The following POU6F2 variants were observed in gnomAD, a reference collection of about 807,000 sequenced individuals.
The protein encoded by POU6F2 is POU domain, class 6, transcription factor 2.
Under a neutral mutation model 71.3 loss-of-function variants are expected in POU6F2, and 31 were observed. That is an observed-to-expected ratio of 0.43 (90% CI 0.33 to 0.59). POU6F2 has a LOEUF of 0.59. POU6F2 is among the 20% of genes least tolerant of loss of function. The pLI is 0.04. For missense variants in POU6F2, 783 were observed against 856.8 expected (o/e 0.91, Z 1.07); for synonymous variants, 347 against 355.7 (o/e 0.98, Z 0.27).
intron 5 of POU6F2, among the ~76,000 whole-genome samples, chr7:39,345,830 T>A (rs1326379679): frequency 2.6e-5 from 4 of 152,214 alleles, no homozygotes; most frequent in Non-Finnish European, 5.9e-5. Context: ...TATAACATAC[T>A]GATGAGAATG....
chr7:39,364,291 TG>T (rs1204377881), intron 5 of POU6F2, among the ~76,000 whole-genome samples: 1 of 151,924 alleles, frequency 6.6e-6, no homozygotes, highest in Admixed American at 6.6e-5. Flanking sequence ...CATAGGTTAT[TG>T]GGGAACAGGT....
chr7:39,121,504 C>G (rs1792040648), intron 2 of POU6F2, among the ~76,000 whole-genome samples: 1 of 152,196 alleles, frequency 6.6e-6, no homozygotes, highest in Non-Finnish European at 1.5e-5. Context: ...GGTCAACATT[C>G]TCTGTCAAAG....
intron 4 of POU6F2, among the ~76,000 whole-genome samples, chr7:39,258,496 G>C (rs982528012): frequency 4.6e-5 from 7 of 152,162 alleles, no homozygotes; most frequent in African/African-American, 1.7e-4. Flanking sequence ...CCTAGACCCT[G>C]TATATGATAA....
chr7:39,046,021 A>G (rs1790284923), intron 1 of POU6F2, among the ~76,000 whole-genome samples: 1 of 151,894 alleles, frequency 6.6e-6, no homozygotes, highest in Non-Finnish European at 1.5e-5. Context: ...TTCACTTTTT[A>G]GAAAACTGTT....
At chr7:39,151,561 T>G (rs939185707) in intron 2 of POU6F2, among the ~76,000 whole-genome samples, 1 of 152,202 alleles carries the variant, frequency 6.6e-6, no homozygotes, top group Non-Finnish European at 1.5e-5. Flanking sequence ...ATTTCTATGA[T>G]GCATCATCTG....
chr7:39,174,054 G>T (rs1405329627), intron 2 of POU6F2, among the ~76,000 whole-genome samples: 1 of 152,240 alleles, frequency 6.6e-6, no homozygotes, highest in Non-Finnish European at 1.5e-5. Context: ...AGGTGTATGT[G>T]CCTCAGTGGT....
intron 1 of POU6F2, among the ~76,000 whole-genome samples, chr7:39,030,036 G>C (rs1789902309): frequency 6.6e-6 from 1 of 151,968 alleles, no homozygotes; most frequent in Non-Finnish European, 1.5e-5. Context: ...AGGTTTTACT[G>C]TCTTCATAGC....
chr7:39,056,755 T>C (rs1790536847), intron 1 of POU6F2, among the ~76,000 whole-genome samples: 1 of 151,460 alleles, frequency 6.6e-6, no homozygotes, highest in African/African-American at 2.4e-5. Flanking sequence ...CAGTAGGACA[T>C]TTTTTAATAA....
At chr7:39,282,858 A>G (rs1475663660) in intron 4 of POU6F2, among the ~76,000 whole-genome samples, 1 of 152,178 alleles carries the variant, frequency 6.6e-6, no homozygotes, top group African/African-American at 2.4e-5. Context: ...TTGAATCTAT[A>G]GATCACTTGG....
At chr7:39,080,231 T>C (rs1462228873) in intron 1 of POU6F2, among the ~76,000 whole-genome samples, 2 of 152,218 alleles carry the variant, frequency 1.3e-5, no homozygotes, top group Non-Finnish European at 2.9e-5. Flanking sequence ...TTAAATATCA[T>C]ATCAAGAGCT....
chr7:39,298,084 C>A (rs1784886493), intron 4 of POU6F2, among the ~76,000 whole-genome samples: 1 of 152,078 alleles, frequency 6.6e-6, no homozygotes, highest in Admixed American at 6.5e-5. Context: ...TAGGCAATAC[C>A]ATTAAGGACG....
At chr7:39,182,451 G>C (rs1238677251) in intron 2 of POU6F2, among the ~76,000 whole-genome samples, 1 of 152,034 alleles carries the variant, frequency 6.6e-6, no homozygotes, top group African/African-American at 2.4e-5. Context: ...TTATTCCAAT[G>C]GAACTGCCCA....
At chr7:39,227,969 T>C (rs1256681152) in intron 4 of POU6F2, among the ~76,000 whole-genome samples, 1 of 152,136 alleles carries the variant, frequency 6.6e-6, no homozygotes, top group Non-Finnish European at 1.5e-5. Flanking sequence ...TGCTCTATTT[T>C]AGGTGAGGAA....
chr7:39,308,618 A>G (rs1425492210), intron 4 of POU6F2, among the ~76,000 whole-genome samples: 1 of 152,162 alleles, frequency 6.6e-6, no homozygotes, highest in East Asian at 1.9e-4. Flanking sequence ...TCTCAAAAAC[A>G]ATAGGATTTA....
chr7:39,020,842 T>C (rs1789666897), intron 1 of POU6F2, among the ~76,000 whole-genome samples: 2 of 152,074 alleles, frequency 1.3e-5, no homozygotes, highest in African/African-American at 4.8e-5. Flanking sequence ...TTTATAAAAA[T>C]GAAATATCCC....
chr7:39,119,637 A>C (rs570436264), intron 2 of POU6F2, among the ~76,000 whole-genome samples: 1 of 152,344 alleles, frequency 6.6e-6, no homozygotes, highest in Non-Finnish European at 1.5e-5. Context: ...AGGGGAACTA[A>C]AGAGTGAGGA....
intron 2 of POU6F2, among the ~76,000 whole-genome samples, chr7:39,094,603 C>G (rs1438822077): frequency 6.6e-6 from 1 of 151,926 alleles, no homozygotes; most frequent in Non-Finnish European, 1.5e-5. Flanking sequence ...TTCTTCATGA[C>G]CACATATGTG....
intron 4 of POU6F2, among the ~76,000 whole-genome samples, chr7:39,233,989 A>G (rs767851320): frequency 3.3e-5 from 5 of 152,106 alleles, no homozygotes; most frequent in African/African-American, 7.2e-5. Flanking sequence ...ACCAATAGTC[A>G]TGTGGGCCTT....
chr7:39,247,380 G>A (rs924248165), intron 4 of POU6F2, among the ~76,000 whole-genome samples: 1 of 152,060 alleles, frequency 6.6e-6, no homozygotes, highest in Non-Finnish European at 1.5e-5. Flanking sequence ...AAGCCCAGTA[G>A]GCGGAGGTTA....
Sources: allele counts gnomAD v4.1 joint callset (sites outside exome capture counted in the v4.1 genomes callset), GRCh38; gene constraint gnomAD v4.1.1; transcripts MANE v1.5; gene names NCBI Gene and HGNC (gene_info 2026-07-23, HGNC 2026-07-21).